The following ARID1B variants were observed in gnomAD, a reference collection of about 807,000 sequenced individuals.
The protein encoded by ARID1B is AT-rich interaction domain 1B.
ARID1B carries 30 observed loss-of-function variants against 212.3 expected under a neutral mutation model. That is an observed-to-expected ratio of 0.14 (90% CI 0.11 to 0.19). ARID1B has a LOEUF of 0.19. Among genes scored for constraint, ARID1B ranks in the 10% least tolerant of loss-of-function variants. The pLI is 1.00. For synonymous variants in ARID1B, 1,402 were observed against 1,301.7 expected (o/e 1.08, Z -1.66); for missense variants, 2,891 against 3,204.0 (o/e 0.90, Z 2.36).
intron 1 of ARID1B, among the ~76,000 whole-genome samples, chr6:156,796,211 T>G (rs940694241): frequency 6.6e-6 from 1 of 152,220 alleles, no homozygotes; most frequent in Non-Finnish European, 1.5e-5. Flanking sequence ...GCTTTATTGT[T>G]TATGGTAATG....
intron 3 of ARID1B, among the ~76,000 whole-genome samples, chr6:156,920,945 C>G (rs1464760960): frequency 2.6e-5 from 4 of 151,994 alleles, no homozygotes; most frequent in Non-Finnish European, 5.9e-5. Flanking sequence ...ACCTCCGCCT[C>G]CCAGGTTCAA....
At chr6:156,929,765 T>C (rs927044547) in intron 3 of ARID1B, among the ~76,000 whole-genome samples, 3 of 152,212 alleles carry the variant, frequency 2.0e-5, no homozygotes, top group Non-Finnish European at 4.4e-5. Flanking sequence ...GACCTGACGC[T>C]CTTTGTTGGA....
intron 3 of ARID1B, among the ~76,000 whole-genome samples, chr6:156,915,892 G>A (rs1454503514): frequency 1.3e-5 from 2 of 148,356 alleles, no homozygotes; most frequent in African/African-American, 2.5e-5. Context: ...GCAAGACTCC[G>A]TCTCAAAAAA....
chr6:157,150,352 T>C (rs1282134555), intron 8 of ARID1B: 2 of 152,136 alleles, frequency 1.3e-5, no homozygotes, highest in East Asian at 3.9e-4. Context: ...CATCCATGCA[T>C]TGCCATTTTC....
In ARID1B at chr6:156,949,532, C is replaced by G. The variant is rs143296318; in HGVS notation, c.2247+13956C>G. ...CTGTCAGGGCTGCCGGTGCACCACA[C>G]TTCCCTGAGATTCAGCATTCCTTTC... On this transcript the variant is annotated intron_variant, in intron 4 of 19. Transcript: ENST00000636930. 7.3e-3 allele frequency among the ~76,000 whole-genome samples: 1,111 copies of G among 152,306 alleles called. 13 individuals carry two copies. Among genetic ancestry groups the G allele is most frequent in the African/African-American group, 0.025 (1,048 of 41,558 alleles).
chr6:156,893,421 GGACA>G (rs921373728), intron 2 of ARID1B, among the ~76,000 whole-genome samples: 136 of 152,236 alleles, frequency 8.9e-4, no homozygotes, highest in African/African-American at 3.2e-3. Context: ...ACAAAAGAAA[GGACA>G]GACAAATTGG....
intron 2 of ARID1B, among the ~76,000 whole-genome samples, chr6:156,868,288 TG>T (rs1785859616): frequency 1.3e-5 from 2 of 152,230 alleles, no homozygotes; most frequent in Admixed American, 1.3e-4. Context: ...CACTGATATA[TG>T]TGGGTGCTTC....
At chr6:156,987,431 C>A (rs763327589) in intron 4 of ARID1B, among the ~76,000 whole-genome samples, 1 of 151,668 alleles carries the variant, frequency 6.6e-6, no homozygotes, top group East Asian at 1.9e-4. Context: ...CCCGGGTTCG[C>A]GCCATTCTCC....
At chr6:157,004,629 G>A (rs1461744365) in intron 4 of ARID1B, among the ~76,000 whole-genome samples, 1 of 152,138 alleles carries the variant, frequency 6.6e-6, no homozygotes, top group Non-Finnish European at 1.5e-5. Context: ...CAAAATGATA[G>A]TTACCTTAAA....
chr6:156,976,744 A>T, intron 4 of ARID1B: 1 of 494,992 alleles, frequency 2.0e-6, no homozygotes. Flanking sequence ...CTCACCGTGA[A>T]GGTCCGCAGC....
At chr6:156,808,313 A>T (rs2127973221) in intron 1 of ARID1B, among the ~76,000 whole-genome samples, 1 of 152,194 alleles carries the variant, frequency 6.6e-6, no homozygotes, top group East Asian at 1.9e-4. Flanking sequence ...TAGATCTTAA[A>T]ATACTTCAGA....
chr6:156,814,351 C>T (rs1238608115), intron 1 of ARID1B, among the ~76,000 whole-genome samples: 1 of 152,070 alleles, frequency 6.6e-6, no homozygotes, highest in Non-Finnish European at 1.5e-5. Context: ...CCGGGTAAGC[C>T]ATGATTGCCA....
rs1208883079 is a variant in ARID1B, at chr6:157,018,212, C to CTTTTTTTTTTTTT, written c.2248-66440_2248-66428dup. On this transcript the variant is annotated intron_variant, in intron 4 of 19. Transcript: ENST00000636930. ...GAATGTCTAAACAAAAAGTAGTATG[C>CTTTTTTTTTTTTT]TTTTTTTTTTTTTTTTTTTTTTGAG... 3.3e-3 allele frequency among the ~76,000 whole-genome samples: 242 copies of CTTTTTTTTTTTTT among 72,454 alleles called. 44 individuals carry two copies. Among genetic ancestry groups the CTTTTTTTTTTTTT allele is most frequent in the African/African-American group, 0.015 (238 of 15,446 alleles). The allele number at this position is 72,454 out of a possible 152,430, so 47.5% of individuals were successfully genotyped here.
chr6:157,059,434 TA>T (rs1241852487), intron 4 of ARID1B, among the ~76,000 whole-genome samples: 10 of 152,230 alleles, frequency 6.6e-5, no homozygotes, highest in Non-Finnish European at 1.5e-4. Context: ...TGTTTGTAAA[TA>T]TTTGATAGTA....
intron 4 of ARID1B, chr6:157,022,230 G>A (rs1780357793): frequency 6.6e-6 from 1 of 152,410 alleles, no homozygotes; most frequent in Admixed American, 6.5e-5. Flanking sequence ...GCCGCCATTG[G>A]CTGTTACCCG....
intron 16 of ARID1B, among the ~76,000 whole-genome samples, chr6:157,196,926 CT>C (rs578060583): frequency 3.3e-5 from 5 of 152,206 alleles, no homozygotes; most frequent in African/African-American, 1.2e-4. Flanking sequence ...GCAAGTTAAA[CT>C]TGCAAGTTAA....
At chr6:156,905,494 T>C (rs1789304041) in intron 3 of ARID1B, among the ~76,000 whole-genome samples, 1 of 152,206 alleles carries the variant, frequency 6.6e-6, no homozygotes, top group Non-Finnish European at 1.5e-5. Flanking sequence ...GAAAACAATC[T>C]GTTATTCTCA....
intron 2 of ARID1B, among the ~76,000 whole-genome samples, chr6:156,844,732 T>C (rs1209338220): frequency 6.6e-6 from 1 of 152,224 alleles, no homozygotes; most frequent in Non-Finnish European, 1.5e-5. Context: ...CTATCATCTT[T>C]CCATATTATA....
rs77280964 is a variant in ARID1B, at chr6:156,782,475, G to A, written c.1791+3004G>A. Among the ~76,000 whole-genome samples, 28 of 152,180 alleles carry A rather than the reference G, an allele frequency of 1.8e-4. No individual in the cohort carries two copies. In the East Asian group the frequency reaches 5.0e-3, roughly 27 times the overall value. ...AAAAGGAATATTGAGGTCTACTCAC[G>A]CACATAGGTTTTATGATGTCCACAT... On this transcript the variant is annotated intron_variant, in intron 1 of 19. Coordinates refer to ENST00000636930, the MANE Select transcript of ARID1B (RefSeq NM_001374828.1).
Sources: allele counts gnomAD v4.1 joint callset (sites outside exome capture counted in the v4.1 genomes callset), GRCh38; gene constraint gnomAD v4.1.1; transcripts MANE v1.5; gene names NCBI Gene and HGNC (gene_info 2026-07-23, HGNC 2026-07-21).